STAG1: variants seen among roughly 807,000 people sequenced by gnomAD.
STAG1 encodes STAG1 cohesin complex component.
A neutral mutation model predicts 170.9 loss-of-function variants in STAG1; 26 were observed. The ratio of observed to expected loss-of-function variants is 0.15; its 90% CI spans 0.11 to 0.21. The LOEUF (loss-of-function observed/expected upper bound fraction) is 0.21, where lower values mean the gene tolerates loss of function less well. STAG1 is among the 10% of genes least tolerant of loss of function. The pLI, the probability that STAG1 is intolerant of heterozygous loss-of-function variation, is 1.00. For missense variants in STAG1, 964 were observed against 1,509.5 expected, an observed-to-expected ratio of 0.64 and a Z score of 5.99; for synonymous variants, 514 against 497.7, an observed-to-expected ratio of 1.03 and a Z score of -0.44.
At chr3:136,561,289 TTG>T (rs1936830131) in intron 5 of STAG1, among the ~76,000 whole-genome samples, 1 of 152,228 alleles carries the variant, frequency 6.6e-6, no homozygotes, top group African/African-American at 2.4e-5. Flanking sequence ...AGTCAGTTAA[TTG>T]TGAGTCAGTT....
At chr3:136,653,256 G>C (rs1331852484) in intron 1 of STAG1, among the ~76,000 whole-genome samples, 1 of 147,872 alleles carries the variant, frequency 6.8e-6, no homozygotes, top group East Asian at 2.0e-4. Context: ...TGGGCAACAA[G>C]AGCAAAACTC....
At chr3:136,716,324 A>C (rs1943540744) in intron 1 of STAG1, among the ~76,000 whole-genome samples, 1 of 151,864 alleles carries the variant, frequency 6.6e-6, no homozygotes, top group Non-Finnish European at 1.5e-5. Flanking sequence ...TTAGCCAGGC[A>C]TGGTGGCGGG....
intron 4 of STAG1, among the ~76,000 whole-genome samples, chr3:136,570,776 A>G (rs1937244539): frequency 6.6e-6 from 1 of 152,244 alleles, no homozygotes; most frequent in African/African-American, 2.4e-5. Flanking sequence ...ATGACCTTCC[A>G]TTGGGAAGAA....
At chr3:136,446,468 C>T (rs1307182877) in intron 14 of STAG1, among the ~76,000 whole-genome samples, 1 of 151,516 alleles carries the variant, frequency 6.6e-6, no homozygotes, top group Non-Finnish European at 1.5e-5. Flanking sequence ...TGTCGCCCAG[C>T]CTGGAATGCT....
intron 12 of STAG1, among the ~76,000 whole-genome samples, chr3:136,465,417 C>T (rs916304830): frequency 6.6e-6 from 1 of 151,246 alleles, no homozygotes; most frequent in Non-Finnish European, 1.5e-5. Context: ...AACGGGGTTT[C>T]GTCATGTTAG....
intron 1 of STAG1, among the ~76,000 whole-genome samples, chr3:136,709,162 T>C (rs1035526516): frequency 6.6e-6 from 1 of 151,766 alleles, no homozygotes; most frequent in Admixed American, 6.6e-5. Context: ...TGCTGGCGCA[T>C]GCCTGTAGTC....
At position 136,498,352 on chromosome 3, in the gene STAG1, A is replaced by T. The variant is rs1270894416; in HGVS notation, c.902+1871T>A. ...TAGCAACGCATTCAATGATAAAAAA[A>T]ACTCTGACTTTGTTCAGAGAAAGAA... On this transcript the variant is annotated intron_variant, in intron 9 of 33. Transcript: ENST00000383202. Among the ~76,000 whole-genome samples, 4 of 149,776 alleles carry T rather than the reference A, an allele frequency of 2.7e-5. No individual in the cohort carries two copies. In the East Asian group the frequency reaches 7.8e-4, roughly 29 times the overall value.
At chr3:136,529,336 A>G (rs1425314562) in intron 6 of STAG1, among the ~76,000 whole-genome samples, 1 of 152,222 alleles carries the variant, frequency 6.6e-6, no homozygotes, top group Non-Finnish European at 1.5e-5. Flanking sequence ...ATGGCACGTT[A>G]TAGTCAAACT....
chr3:136,718,723 G>A (rs1367465066), intron 1 of STAG1, among the ~76,000 whole-genome samples: 2 of 152,132 alleles, frequency 1.3e-5, no homozygotes, highest in African/African-American at 4.8e-5. Flanking sequence ...TCCGGAGTTT[G>A]AGACCAGCCT....
chr3:136,588,311 T>G (rs944081567), intron 4 of STAG1, among the ~76,000 whole-genome samples: 10 of 152,130 alleles, frequency 6.6e-5, no homozygotes, highest in Non-Finnish European at 1.2e-4. Context: ...ACTGGTTTTT[T>G]GGGTTTTTTC....
intron 5 of STAG1, among the ~76,000 whole-genome samples, chr3:136,546,046 T>C (rs1345164749): frequency 6.6e-6 from 1 of 152,132 alleles, no homozygotes; most frequent in African/African-American, 2.4e-5. Context: ...CTTTACCAAA[T>C]ACTAGAATAT....
chr3:136,427,829 T>G (rs1182225057), intron 16 of STAG1, among the ~76,000 whole-genome samples: 2 of 152,140 alleles, frequency 1.3e-5, no homozygotes, highest in African/African-American at 4.8e-5. Context: ...TTTAAAAAAG[T>G]GAAGTCATAT....
At chr3:136,588,157 A>C (rs1937937289) in intron 4 of STAG1, among the ~76,000 whole-genome samples, 1 of 152,240 alleles carries the variant, frequency 6.6e-6, no homozygotes, top group South Asian at 2.1e-4. Context: ...TCACTTGCTC[A>C]TTATCTACTG....
At chr3:136,446,061 C>G (rs1006512921) in intron 14 of STAG1, among the ~76,000 whole-genome samples, 1 of 152,022 alleles carries the variant, frequency 6.6e-6, no homozygotes, top group Non-Finnish European at 1.5e-5. Context: ...TTCTTGATTA[C>G]TTTATCTGTC....
At chr3:136,415,645 T>C (rs2087750195) in intron 21 of STAG1, among the ~76,000 whole-genome samples, 1 of 152,140 alleles carries the variant, frequency 6.6e-6, no homozygotes, top group African/African-American at 2.4e-5. Context: ...CAAGACAGCC[T>C]GGCCAACATG....
At chr3:136,666,560 G>A (rs1941784875) in intron 1 of STAG1, among the ~76,000 whole-genome samples, 1 of 152,172 alleles carries the variant, frequency 6.6e-6, no homozygotes, top group Non-Finnish European at 1.5e-5. Context: ...GCTCACGCCT[G>A]TAATCCTAGC....
chr3:136,585,664 T>C (rs1937780384), intron 4 of STAG1, among the ~76,000 whole-genome samples: 1 of 152,086 alleles, frequency 6.6e-6, no homozygotes, highest in Non-Finnish European at 1.5e-5. Flanking sequence ...TTCACCACTC[T>C]TTCCATCTGT....
chr3:136,524,335 G>A (rs1367303547), intron 6 of STAG1, among the ~76,000 whole-genome samples: 2 of 151,858 alleles, frequency 1.3e-5, no homozygotes, highest in South Asian at 2.1e-4. Context: ...GGATTCCTAG[G>A]TATTTTATTC....
chr3:136,592,187 T>C (rs1333066984), intron 4 of STAG1, among the ~76,000 whole-genome samples: 1 of 152,184 alleles, frequency 6.6e-6, no homozygotes, highest in African/African-American at 2.4e-5. Context: ...CTTGCTGATA[T>C]AGTTTGGCTA....
Sources: allele counts gnomAD v4.1 joint callset (sites outside exome capture counted in the v4.1 genomes callset), GRCh38; gene constraint gnomAD v4.1.1; transcripts MANE v1.5; gene names NCBI Gene and HGNC (gene_info 2026-07-23, HGNC 2026-07-21).